RBFOX1: variants seen among roughly 807,000 people sequenced by gnomAD.
RBFOX1 encodes RNA binding protein fox-1 homolog 1.
Under a neutral mutation model 57.7 loss-of-function variants are expected in RBFOX1, and 8 were observed. The observed-to-expected ratio is 0.14, with a 90% CI of 0.08 to 0.25. The LOEUF is 0.25. RBFOX1 is among the 10% of genes least tolerant of loss of function. The pLI is 1.00. For missense variants in RBFOX1, 611 were observed against 548.5 expected (o/e 1.11, Z -1.14); for synonymous variants, 326 against 222.4 (o/e 1.47, Z -4.15).
chr16:7,188,497 A>G (rs2084477953), intron 4 of RBFOX1, among the ~76,000 whole-genome samples: 1 of 152,216 alleles, frequency 6.6e-6, no homozygotes, highest in African/African-American at 2.4e-5. Context: ...AGTTATGCAG[A>G]AAGGAAATGT....
intron 4 of RBFOX1, among the ~76,000 whole-genome samples, chr16:7,506,415 G>A (rs562945959): frequency 6.6e-6 from 1 of 152,072 alleles, no homozygotes; most frequent in African/African-American, 2.4e-5. Flanking sequence ...AATATGCGGT[G>A]TGTTGGATTC....
chr16:5,983,920 CT>C (rs2060226046), intron 4 of RBFOX1, among the ~76,000 whole-genome samples: 1 of 144,340 alleles, frequency 6.9e-6, no homozygotes, highest in African/African-American at 2.6e-5. Flanking sequence ...CCTCTTCCTC[CT>C]CCTCCCCCTC....
intron 3 of RBFOX1, among the ~76,000 whole-genome samples, chr16:5,794,831 T>A (rs755462230): frequency 2.2e-4 from 34 of 152,186 alleles, no homozygotes; most frequent in Non-Finnish European, 4.4e-4. Context: ...TGGCATCTCT[T>A]ATGTATTAGC....
chr16:5,450,337 C>T (rs907320911), intron 1 of RBFOX1, among the ~76,000 whole-genome samples: 1 of 152,128 alleles, frequency 6.6e-6, no homozygotes, highest in Non-Finnish European at 1.5e-5. Context: ...TGAAGGGTTC[C>T]AGGAAGAAGA....
At chr16:5,954,600 G>A (rs1259146079) in intron 4 of RBFOX1, among the ~76,000 whole-genome samples, 1 of 152,130 alleles carries the variant, frequency 6.6e-6, no homozygotes, top group East Asian at 1.9e-4. Context: ...ATTGTTTTGT[G>A]GTGCTAAGCA....
chr16:7,002,278 T>C (rs2092888707), intron 3 of RBFOX1, among the ~76,000 whole-genome samples: 2 of 152,228 alleles, frequency 1.3e-5, no homozygotes, highest in African/African-American at 4.8e-5. Context: ...CTTTGGAACT[T>C]TGCAAGCATG....
chr16:5,783,851 C>T (rs1362297482), intron 3 of RBFOX1, among the ~76,000 whole-genome samples: 1 of 152,152 alleles, frequency 6.6e-6, no homozygotes, highest in Non-Finnish European at 1.5e-5. Flanking sequence ...TGCTCATCTA[C>T]AAAGTAAGGA....
At chr16:6,698,126 A>G (rs1442110191) in intron 3 of RBFOX1, among the ~76,000 whole-genome samples, 1 of 152,212 alleles carries the variant, frequency 6.6e-6, no homozygotes, top group East Asian at 1.9e-4. Context: ...GTTACTCATG[A>G]ATTAAGAGCT....
chr16:6,744,187 A>T (rs1239872358), intron 3 of RBFOX1, among the ~76,000 whole-genome samples: 1 of 152,184 alleles, frequency 6.6e-6, no homozygotes, highest in Non-Finnish European at 1.5e-5. Flanking sequence ...GAAGACATTA[A>T]ATATTTATGC....
At chr16:7,023,784 T>C (rs1482529175) in intron 3 of RBFOX1, among the ~76,000 whole-genome samples, 2 of 152,082 alleles carry the variant, frequency 1.3e-5, no homozygotes, top group African/African-American at 2.4e-5. Flanking sequence ...AAATACAGCC[T>C]CGGCATCCTT....
At chr16:5,359,290 C>A (rs1318228374) in intron 1 of RBFOX1, among the ~76,000 whole-genome samples, 2 of 152,208 alleles carry the variant, frequency 1.3e-5, no homozygotes, top group African/African-American at 4.8e-5. Context: ...GTGCAGAAAT[C>A]TCCTTGATAT....
intron 2 of RBFOX1, among the ~76,000 whole-genome samples, chr16:5,536,273 C>T (rs568031858): frequency 3.2e-4 from 40 of 125,564 alleles, no homozygotes; most frequent in Non-Finnish European, 4.7e-4. Context: ...TCTTGCTTGT[C>T]GCCTAGGCTG....
chr16:6,856,605 C>A (rs1449973938), intron 3 of RBFOX1, among the ~76,000 whole-genome samples: 1 of 152,136 alleles, frequency 6.6e-6, no homozygotes, highest in East Asian at 1.9e-4. Flanking sequence ...CCGTGGAATT[C>A]ATTAAAGATG....
At chr16:6,983,406 T>C (rs2089466605) in intron 3 of RBFOX1, among the ~76,000 whole-genome samples, 2 of 151,722 alleles carry the variant, frequency 1.3e-5, no homozygotes, top group Admixed American at 1.3e-4. Flanking sequence ...TCGAGAATGA[T>C]ATAATTATCT....
intron 4 of RBFOX1, chr16:7,304,110 G>C (rs1045120585): frequency 2.8e-6 from 2 of 714,534 alleles, no homozygotes; most frequent in East Asian, 1.4e-4. Flanking sequence ...GAGGAACGCC[G>C]GGATCTAGCA....
At position 6,425,042 on chromosome 16, in the gene RBFOX1, A is replaced by G. The variant is rs76407892; in HGVS notation, c.-64+107985A>G. On this transcript the variant is annotated intron_variant, in intron 2 of 15. Coordinates refer to ENST00000550418, the MANE Select transcript of RBFOX1 (RefSeq NM_018723.4). The stretch of plus-strand genomic sequence containing the variant: ...TGTGGATGAACTAAATATTTTCACT[A>G]TGTGTTGTTTAATATCTTTGCAGAT... Among the ~76,000 whole-genome samples the G allele has an allele frequency of 6.1e-3, 934 of 152,316 alleles. 38 individuals are homozygous for G. In the East Asian group the frequency reaches 0.13, roughly 21 times the overall value.
chr16:6,713,328 C>T (rs1436578386), intron 3 of RBFOX1, among the ~76,000 whole-genome samples: 4 of 152,102 alleles, frequency 2.6e-5, no homozygotes, highest in Admixed American at 6.5e-5. Flanking sequence ...CAAAGTCTCA[C>T]GGGAGTCTTG....
intron 2 of RBFOX1, among the ~76,000 whole-genome samples, chr16:6,407,968 A>G (rs2093343308): frequency 6.6e-6 from 1 of 152,150 alleles, no homozygotes; most frequent in Non-Finnish European, 1.5e-5. Flanking sequence ...GGAGGTGATT[A>G]GGCCATGAGG....
chr16:5,781,530 T>A (rs1421388077), intron 3 of RBFOX1, among the ~76,000 whole-genome samples: 1 of 151,724 alleles, frequency 6.6e-6, no homozygotes, highest in East Asian at 1.9e-4. Context: ...ATTGGCAAAC[T>A]TTTTTCTGTA....
Sources: allele counts gnomAD v4.1 joint callset (sites outside exome capture counted in the v4.1 genomes callset), GRCh38; gene constraint gnomAD v4.1.1; transcripts MANE v1.5; gene names NCBI Gene and HGNC (gene_info 2026-07-23, HGNC 2026-07-21).